DNAH1: variants seen among roughly 807,000 people sequenced by gnomAD.
The protein encoded by DNAH1 is dynein axonemal heavy chain 1.
Under a neutral mutation model 484.3 loss-of-function variants are expected in DNAH1, and 327 were observed. That is an observed-to-expected ratio of 0.68 (90% confidence interval 0.62 to 0.74). DNAH1 has a LOEUF of 0.74. Among genes scored for constraint, DNAH1 ranks in the 30% least tolerant of loss-of-function variants. The pLI, the probability that DNAH1 is intolerant of heterozygous loss-of-function variation, is 0.00. For synonymous variants in DNAH1, 2,192 were observed against 2,191.9 expected (o/e 1.00, Z 0.00); for missense variants, 5,052 against 5,546.8 (o/e 0.91, Z 2.83).
chr3:52,378,507 G>C, intron 46 of DNAH1, 95 bp from the exon 47 acceptor site: 2 of 1,350,106 alleles, frequency 1.5e-6, no homozygotes, highest in Non-Finnish European at 2.1e-6. Context: ...GCTTGGTGGG[G>C]GGCACAGCAC....
chr3:52,367,912 T>C (rs1703153864), intron 36 of DNAH1, among the ~76,000 whole-genome samples: 1 of 152,200 alleles, frequency 6.6e-6, no homozygotes, highest in Non-Finnish European at 1.5e-5. Flanking sequence ...GAAGAACATA[T>C]TCAGGAGCAT....
At chr3:52,359,746 A>G (rs1158411506) in intron 26 of DNAH1, among the ~76,000 whole-genome samples, 170 bp from the exon 27 acceptor site, 2 of 152,182 alleles carry the variant, frequency 1.3e-5, no homozygotes, top group African/African-American at 2.4e-5. Context: ...ATGTGCCTCT[A>G]TTCTACTTCC....
rs1443665024 is a variant in DNAH1, at chr3:52,384,709, G to A, written c.8323-77G>A. 7.0e-6 allele frequency: 10 copies of A among 1,430,334 alleles called. No homozygotes were observed. In the East Asian group the frequency reaches 2.5e-4, roughly 36 times the overall value. The allele number at this position is 1,430,334 out of a possible 1,614,324, so 88.6% of individuals were successfully genotyped here. ...TGTGGCCCCCTCCTCGGCCCAGGTT[G>A]CAGTGGCTGTGGGCACCCAGTCCCT... On this transcript the variant is annotated intron_variant, in intron 52 of 77. Transcript: ENST00000420323.
rs1004386370 is a variant in DNAH1 at position 52,382,312 on chromosome 3, G to T, written c.7806-8G>T. 11 of 1,613,854 alleles carry T rather than the reference G, an allele frequency of 6.8e-6. No individual in the cohort carries two copies. In the African/African-American group the frequency reaches 1.5e-4, roughly 22 times the overall value. On this transcript the variant is annotated splice_polypyrimidine_tract_variant and splice_region_variant and intron_variant, in intron 49 of 77. Transcript: ENST00000420323. Reference sequence around the variant, plus strand: ...CTGGCATGCTTCAACCCAAACTTCTGCCTCCAGGGCCGAGTACGAGTGCTT... The same window carrying T: ...CTGGCATGCTTCAACCCAAACTTCTTCCTCCAGGGCCGAGTACGAGTGCTT...
At chr3:52,372,875 T>C in intron 43 of DNAH1, 21 bp from the exon 44 acceptor site, 2 of 1,602,830 alleles carry the variant, frequency 1.2e-6, no homozygotes, top group Non-Finnish European at 1.7e-6. Flanking sequence ...GGTGCTGGGC[T>C]CACACAGCCC....
Position 52,370,797 on chromosome 3 carries a change from G to C in DNAH1, c.6497G>C (p.Ser2166Thr). Reference sequence around the variant, plus strand: ...GCGGGCATCAGTGGCACCAACGACAGTGAGGATGAAGAGGAGGAATACAAG... The same window carrying C: ...GCGGGCATCAGTGGCACCAACGACACTGAGGATGAAGAGGAGGAATACAAG... ...EDAGISGTND[S>T]EDEEEEYKQV... Residue 2166 changes from serine (S) to threonine (T), a missense_variant, in exon 41 of 78, where the codon AGT becomes ACT. Coordinates refer to ENST00000420323, the MANE Select transcript of DNAH1 (RefSeq NM_015512.5). 6.2e-7 allele frequency: 1 copy of C among 1,605,522 alleles called. No homozygotes were observed. Among genetic ancestry groups the C allele is most frequent in the Non-Finnish European group, 8.5e-7 (1 of 1,176,410 alleles).
chr3:52,356,521 C>A, intron 21 of DNAH1, 93 bp from the exon 22 acceptor site: 2 of 1,313,280 alleles, frequency 1.5e-6, no homozygotes, highest in Non-Finnish European at 2.1e-6. Context: ...GCCCAACATG[C>A]TGGTGGGGTG....
chr3:52,369,496 G>A (rs535855805), intron 37 of DNAH1, among the ~76,000 whole-genome samples: 8 of 152,310 alleles, frequency 5.3e-5, no homozygotes, highest in African/African-American at 1.9e-4. Flanking sequence ...CTGTGTCTAT[G>A]TGCACAGGGG....
At position 52,399,322 on chromosome 3, in the gene DNAH1, C is replaced by G; in HGVS notation, c.12441+121C>G. 3 of 1,149,976 alleles carry G rather than the reference C, an allele frequency of 2.6e-6. No homozygotes were observed. The South Asian group carries it at 4.4e-5, about 17-fold the overall frequency. 71.2% of individuals were successfully genotyped at this position (1,149,976 alleles called of 1,614,324 possible). A position where few individuals can be genotyped will look rare whatever the true frequency, so the allele number is the denominator to read the frequency against. On this transcript the variant is annotated intron_variant, in intron 76 of 77. Transcript: ENST00000420323. ...CCCTAAGCCAGGGCATGGAAAGACC[C>G]AAGCCAGAAGAGGCCATGAGTCCCA...
chr3:52,366,669 T>C (rs1470561481), intron 35 of DNAH1, 64 bp from the exon 36 acceptor site: 10 of 1,571,240 alleles, frequency 6.4e-6, no homozygotes, highest in Non-Finnish European at 7.8e-6. Context: ...CCCCTCCCCT[T>C]GGCCCCCAGC....
At chr3:52,333,820 AC>A in intron 8 of DNAH1, among the ~76,000 whole-genome samples, 1 of 152,238 alleles carries the variant, frequency 6.6e-6, no homozygotes, top group East Asian at 1.9e-4. Context: ...GATTTTAAAC[AC>A]TTTATTATAA....
chr3:52,324,661 G>A (rs1701270067), intron 3 of DNAH1, among the ~76,000 whole-genome samples: 1 of 152,138 alleles, frequency 6.6e-6, no homozygotes, highest in African/African-American at 2.4e-5. Flanking sequence ...TCACGAGCAT[G>A]TACATTTGCG....
intron 12 of DNAH1, 85 bp from the exon 13 acceptor site, chr3:52,348,803 C>G: frequency 6.8e-7 from 1 of 1,477,586 alleles, no homozygotes; most frequent in Non-Finnish European, 9.2e-7. Flanking sequence ...TTGCCCTGCT[C>G]CTCGGGAGGA....
rs1261777167 is a variant in DNAH1 at position 52,355,098 on chromosome 3, C to T, written c.3693+43C>T. On this transcript the variant is annotated intron_variant, in intron 21 of 77. Coordinates refer to ENST00000420323, the MANE Select transcript of DNAH1 (RefSeq NM_015512.5). The surrounding 1 kb of genome is among the most constrained non-coding windows in gnomAD (Gnocchi z 4.5). ...TCCTTCCCTCATCGCTCCCCCACTT[C>T]AGAGAGCCCGACCCACAGGTGTCAC... 5 of 1,586,510 alleles carry T rather than the reference C, an allele frequency of 3.2e-6. No homozygotes were observed. Among genetic ancestry groups the T allele is most frequent in the Non-Finnish European group, 4.3e-6 (5 of 1,160,622 alleles).
At position 52,388,657 on chromosome 3, in the gene DNAH1, A is replaced by G. The variant is rs550008639; in HGVS notation, c.9363+48A>G. On this transcript the variant is annotated intron_variant, in intron 58 of 77. Transcript: ENST00000420323. ...GCCTGCAAGCGGGCCCGGCCCAGAC[A>G]GGGGCCAGAAAGGACCAGGGCGCCG... 7.8e-5 allele frequency: 126 copies of G among 1,610,750 alleles called. 1 individual carries two copies. The highest frequency in any genetic ancestry group is 7.2e-4 in the South Asian group (65 of 90,818).
At position 52,396,642 on chromosome 3, in the gene DNAH1, C is replaced by T; in HGVS notation, c.11455C>T (p.Leu3819=). Reference sequence around the variant, plus strand: ...GGTGATGGAGTTCAAGTCTCTGCTGCTGTCTCTGTGCTTGTTCCATGGGAA... The same window carrying T: ...GGTGATGGAGTTCAAGTCTCTGCTGTTGTCTCTGTGCTTGTTCCATGGGAA... ...HKVMEFKSLL[L]SLCLFHGNAL... Residue 3819 remains leucine, a synonymous_variant, in exon 72 of 78, where the codon CTG becomes TTG. Coordinates refer to ENST00000420323, the MANE Select transcript of DNAH1 (RefSeq NM_015512.5). The T allele has an allele frequency of 6.2e-7, 1 of 1,613,458 alleles. No homozygotes were observed. The highest frequency in any genetic ancestry group is 8.5e-7 in the Non-Finnish European group (1 of 1,179,700).
Position 52,328,672 on chromosome 3 carries a change from C to A in DNAH1, c.871+658C>A, listed in dbSNP as rs1701438866. Among the ~76,000 whole-genome samples the A allele has an allele frequency of 2.0e-5, 3 of 152,256 alleles. No individual in the cohort carries two copies. In the South Asian group the frequency reaches 6.2e-4, roughly 31 times the overall value. On this transcript the variant is annotated intron_variant, in intron 6 of 77. Transcript: ENST00000420323. Reference sequence around the variant, plus strand: ...GGCTGCTCCTTTGGCCTCAGGCCTGCCCCAGCGGCTGTGGAGGCTCTCCCA... The same window carrying A: ...GGCTGCTCCTTTGGCCTCAGGCCTGACCCAGCGGCTGTGGAGGCTCTCCCA...
Position 52,388,934 on chromosome 3 carries a change from C to T in DNAH1, c.9492C>T (p.Phe3164=). The T allele has an allele frequency of 6.3e-7, 1 of 1,596,786 alleles. No homozygotes were observed. ...AAGFVAYLGP[F]TGQYRTVLYD... ...GCTTTGTGGCCTACCTGGGCCCCTT[C>T]ACGGTAAGAAGTCCCCACCTCTGTC... Residue 3164 remains phenylalanine, a synonymous_variant, in exon 59 of 78, where the codon TTC becomes TTT. Coordinates refer to ENST00000420323, the MANE Select transcript of DNAH1 (RefSeq NM_015512.5).
chr3:52,364,553 A>G lies in DNAH1; in HGVS notation c.5245-85A>G, dbSNP rs2153224474. On this transcript the variant is annotated intron_variant, in intron 32 of 77. Coordinates refer to ENST00000420323, the MANE Select transcript of DNAH1 (RefSeq NM_015512.5). This position sits in a 1 kb window ranked among gnomAD's most constrained non-coding sequence, Gnocchi z 4.2. ...ATGAGCTGGTGATGAGACTTGGCCA[A>G]CTGCCAGGTGGGAGGCAGAGTGTTC... The G allele has an allele frequency of 6.7e-7, 1 of 1,495,366 alleles. No homozygotes were observed. The highest frequency in any genetic ancestry group is 9.3e-7 in the Non-Finnish European group (1 of 1,073,870). 92.6% of individuals were successfully genotyped at this position (1,495,366 alleles called of 1,614,324 possible). A position where few individuals can be genotyped will look rare whatever the true frequency, so the allele number is the denominator to read the frequency against.
Sources: gnomAD v4.1 joint callset for allele counts (sites outside exome capture counted in the v4.1 genomes callset) on GRCh38, gnomAD v4.1.1 for gene constraint, Gnocchi (gnomAD v3.1) non-coding constraint, MANE v1.5 for transcripts, NCBI Gene and HGNC (gene_info 2026-07-23, HGNC 2026-07-21) for gene names.